Variants in SEC31A observed in about 807,000 individuals in gnomAD.
SEC31A encodes SEC31 homolog A, COPII component.
In SEC31A, 70 loss-of-function variants were observed where a neutral mutation model predicts 151.0. The ratio of observed to expected loss-of-function variants is 0.46; its 90% CI spans 0.38 to 0.57. The LOEUF (loss-of-function observed/expected upper bound fraction) is 0.57. SEC31A is among the 20% of genes least tolerant of loss of function. SEC31A has a pLI of 0.00. For synonymous variants in SEC31A, 475 were observed against 505.9 expected, an observed-to-expected ratio of 0.94 and a Z score of 0.82; for missense variants, 1,330 against 1,471.2, an observed-to-expected ratio of 0.90 and a Z score of 1.57.
intron 10 of SEC31A, 133 bp downstream of exon 10, chr4:82,866,675 T>C (rs1735473674): frequency 1.3e-6 from 1 of 766,816 alleles, no homozygotes; most frequent in South Asian, 3.6e-5. Flanking sequence ...CCATTTTGAA[T>C]GATGAAATAC....
chr4:82,893,583 G>GT (rs1319571564), upstream of SEC31A: 1 of 152,090 alleles, frequency 6.6e-6, no homozygotes, highest in Non-Finnish European at 1.5e-5. Flanking sequence ...TCACAAATTT[G>GT]TTTAAGGGCT....
chr4:82,896,463 CTGCCTT>C (rs1720061401), intron 3 of SEC31A, among the ~76,000 whole-genome samples: 1 of 152,166 alleles, frequency 6.6e-6, no homozygotes, highest in Non-Finnish European at 1.5e-5. Flanking sequence ...GGTGATTCAC[CTGCCTT>C]AGCCTTTCAA....
Position 82,829,047 on chromosome 4 carries a change from C to T in SEC31A, c.2980G>A (p.Gly994Ser). Reference sequence around the variant, plus strand: ...TTCAAAGCTGGAGGGTCATTCCAACCATTCTGAGGACCTATAACAGATAAC... The same window carrying T: ...TTCAAAGCTGGAGGGTCATTCCAACTATTCTGAGGACCTATAACAGATAAC... The part of the protein sequence containing the change: ...PASQRTGPQN[G>S]WNDPPALNRV... Residue 994 changes from glycine (G) to serine (S), a missense_variant, in exon 23 of 27, where the codon GGT (glycine) becomes AGT (serine). Gly to Ser is a moderately conservative substitution (Grantham distance 56, BLOSUM62 0). Transcript: ENST00000395310. The T allele has an allele frequency of 6.2e-7, 1 of 1,613,200 alleles. No individual in the cohort carries two copies. Among genetic ancestry groups the T allele is most frequent in the Non-Finnish European group, 8.5e-7 (1 of 1,179,228 alleles).
At chr4:82,875,885 A>C in intron 4 of SEC31A, 63 bp from the exon 5 acceptor site, 1 of 872,130 alleles carries the variant, frequency 1.1e-6, no homozygotes, top group Non-Finnish European at 1.8e-6. Flanking sequence ...AGAATAACTC[A>C]GTTCAGAGCT....
In SEC31A at chr4:82,854,702, CTAG is replaced by C. The variant is rs1478250983; in HGVS notation, c.2008+198_2008+200del. On this transcript the variant is annotated intron_variant, in intron 17 of 26. Transcript: ENST00000395310. ...TCTTGTCTGTCTGAAACCAAAATCACTAGTAGATTTAAAAAAAAAAAAAAAAGA... is the reference window on the plus strand; with the variant it reads ...TCTTGTCTGTCTGAAACCAAAATCACTAGATTTAAAAAAAAAAAAAAAAGA... Among the ~76,000 whole-genome samples, 28 of 130,362 alleles carry C rather than the reference CTAG, an allele frequency of 2.1e-4. No individual in the cohort carries two copies. In the Middle Eastern group the frequency reaches 0.023, roughly 105 times the overall value. 85.5% of individuals were successfully genotyped at this position (130,362 alleles called of 152,430 possible).
chr4:82,853,445 A>C (rs1731875593), intron 18 of SEC31A, 125 bp downstream of exon 18: 1 of 801,816 alleles, frequency 1.2e-6, no homozygotes, highest in East Asian at 3.0e-5. Flanking sequence ...ATAAATGCAT[A>C]TAATTATCCA....
intron 14 of SEC31A, chr4:82,857,973 T>G (rs1484603908): frequency 4.8e-6 from 2 of 412,890 alleles, no homozygotes; most frequent in Non-Finnish European, 8.9e-6. Flanking sequence ...AAATCCAAGG[T>G]CATGAAGAAT....
chr4:82,827,517 C>T lies in SEC31A; in HGVS notation c.3143G>A (p.Ser1048Asn), dbSNP rs1192974552. The change falls in exon 24 of 27, where the codon AGC becomes AAC. Residue 1048 changes from serine (S) to asparagine (N), a missense_variant. Transcript: ENST00000395310. ...ATGTGGCTGTGGGAATGAAGACTGG[C>T]TTGACAGTGGTACTGGAGCTGAAGG... ...QQPSAPVPLS[S>N]QSSFPQPHLP... 1.2e-6 allele frequency: 2 copies of T among 1,614,080 alleles called. No homozygotes were observed. The highest frequency in any genetic ancestry group is 1.3e-5 in the African/African-American group (1 of 74,922).
At chr4:82,871,906 A>T in intron 7 of SEC31A, 38 bp downstream of exon 7, 1 of 1,613,698 alleles carries the variant, frequency 6.2e-7, no homozygotes, top group Non-Finnish European at 8.5e-7. Flanking sequence ...TGTTCAGAAA[A>T]TAAACAAATC....
intron 19 of SEC31A, among the ~76,000 whole-genome samples, chr4:82,850,268 A>G (rs973242767): frequency 1.2e-4 from 19 of 152,174 alleles, no homozygotes; most frequent in African/African-American, 4.6e-4. Flanking sequence ...CTATTTACTT[A>G]TAACTTTTTA....
intron 7 of SEC31A, 112 bp from the exon 8 acceptor site, chr4:82,870,536 A>C: frequency 1.2e-6 from 1 of 864,098 alleles, no homozygotes; most frequent in Non-Finnish European, 1.8e-6. Context: ...ATACAATTAA[A>C]TGCAAGAGTT....
intron 1 of SEC31A, among the ~76,000 whole-genome samples, chr4:82,889,687 A>G (rs1461662391): frequency 6.6e-6 from 1 of 152,206 alleles, no homozygotes; most frequent in African/African-American, 2.4e-5. Context: ...ACAGTTTACA[A>G]ATTTATTTCT....
intron 2 of SEC31A, among the ~76,000 whole-genome samples, chr4:82,881,179 A>G (rs558571075): frequency 3.3e-5 from 5 of 152,138 alleles, no homozygotes; most frequent in Admixed American, 1.3e-4. Context: ...TGGTCCCGTG[A>G]TGGGGGCTGG....
At chr4:82,855,129 A>T (rs1732346362) in intron 16 of SEC31A, 100 bp from the exon 17 acceptor site, 4 of 1,000,004 alleles carry the variant, frequency 4.0e-6, no homozygotes, top group Non-Finnish European at 5.6e-6. Context: ...TGCCAAATGC[A>T]GCAGCAAAAT....
At position 82,844,518 on chromosome 4, in the gene SEC31A, C is replaced by T; in HGVS notation, c.2503-9G>A. The T allele has an allele frequency of 6.2e-7, 1 of 1,612,378 alleles. No homozygotes were observed. On this transcript the variant is annotated splice_polypyrimidine_tract_variant and intron_variant, in intron 20 of 26. Transcript: ENST00000395310. The stretch of plus-strand genomic sequence containing the variant: ...GGTGGAGGATTTTCTCCCTAAGAAA[C>T]AAGAACATGGTAAGAAGGCGGATAC...
At chr4:82,847,597 GC>G (rs1260173446) in intron 20 of SEC31A, among the ~76,000 whole-genome samples, 1 of 152,174 alleles carries the variant, frequency 6.6e-6, no homozygotes, top group Non-Finnish European at 1.5e-5. Flanking sequence ...CCGGTAACCA[GC>G]CATGCAACGC....
intron 22 of SEC31A, among the ~76,000 whole-genome samples, chr4:82,834,381 G>A (rs747257789): frequency 3.3e-5 from 5 of 152,220 alleles, no homozygotes; most frequent in Non-Finnish European, 4.4e-5. Flanking sequence ...AGCTGTGGGT[G>A]TTAAAGCCTG....
At chr4:82,871,846 A>G in intron 7 of SEC31A, 98 bp downstream of exon 7, 2 of 1,494,134 alleles carry the variant, frequency 1.3e-6, no homozygotes, top group Middle Eastern at 1.8e-4. Context: ...CTAAAAAAAA[A>G]AGTTCCTGTG....
chr4:82,893,622 T>C (rs1719936008), upstream of SEC31A: 1 of 152,234 alleles, frequency 6.6e-6, no homozygotes, highest in Non-Finnish European at 1.5e-5. Context: ...AACTTGTTTG[T>C]ATATATTTAC....
Sources: allele counts gnomAD v4.1 joint callset (sites outside exome capture counted in the v4.1 genomes callset), GRCh38; gene constraint gnomAD v4.1.1; transcripts MANE v1.5; gene names NCBI Gene and HGNC (gene_info 2026-07-23, HGNC 2026-07-21).